The following NKAIN2 variants were observed in gnomAD, a reference collection of about 807,000 sequenced individuals.
The protein encoded by NKAIN2 is sodium/potassium transporting ATPase interacting 2.
NKAIN2 carries 14 observed loss-of-function variants against 32.6 expected under a neutral mutation model. That is an observed-to-expected ratio of 0.43 (90% confidence interval 0.28 to 0.67). The LOEUF (loss-of-function observed/expected upper bound fraction) is 0.67, where lower values mean the gene tolerates loss of function less well. Ranked by LOEUF, NKAIN2 falls within the 30% of genes least tolerant of loss-of-function variation. NKAIN2 has a pLI of 0.17. For synonymous variants in NKAIN2, 80 were observed against 87.2 expected (o/e 0.92, Z 0.46); for missense variants, 198 against 258.3 (o/e 0.77, Z 1.60).
At chr6:124,702,474 C>T (rs750500388) in intron 4 of NKAIN2, among the ~76,000 whole-genome samples, 9 of 152,042 alleles carry the variant, frequency 5.9e-5, no homozygotes, top group Non-Finnish European at 1.2e-4. Context: ...TTCTTGCCAA[C>T]ACGGTTTTCA....
chr6:124,325,485 AC>A (rs1342622117), intron 2 of NKAIN2, among the ~76,000 whole-genome samples: 1 of 152,140 alleles, frequency 6.6e-6, no homozygotes, highest in Non-Finnish European at 1.5e-5. Context: ...AACTAAAAAA[AC>A]AGGAAAAAAA....
chr6:123,873,047 C>G (rs538135878), intron 1 of NKAIN2, among the ~76,000 whole-genome samples: 11 of 152,172 alleles, frequency 7.2e-5, no homozygotes, highest in African/African-American at 2.6e-4. Flanking sequence ...TGGACAAGGT[C>G]TCTACTCTGA....
chr6:123,811,030 A>G (rs949908918), intron 1 of NKAIN2, among the ~76,000 whole-genome samples: 4 of 152,272 alleles, frequency 2.6e-5, no homozygotes, highest in African/African-American at 9.6e-5. Flanking sequence ...ACTGATGTTG[A>G]TGATCAGGCA....
chr6:124,052,285 G>A (rs899026969), intron 1 of NKAIN2, among the ~76,000 whole-genome samples: 1 of 152,020 alleles, frequency 6.6e-6, no homozygotes, highest in African/African-American at 2.4e-5. Context: ...TCTTATACCA[G>A]TGAGTGCTCA....
At chr6:124,476,902 A>G (rs1777239902) in intron 3 of NKAIN2, among the ~76,000 whole-genome samples, 1 of 150,992 alleles carries the variant, frequency 6.6e-6, no homozygotes, top group Non-Finnish European at 1.5e-5. Flanking sequence ...TCTGTTTACA[A>G]CAATTATTTC....
intron 2 of NKAIN2, among the ~76,000 whole-genome samples, chr6:124,306,309 T>C (rs1796502739): frequency 6.6e-6 from 1 of 152,140 alleles, no homozygotes; most frequent in Non-Finnish European, 1.5e-5. Context: ...GCAATAGCCT[T>C]TATAACTTCA....
chr6:124,651,063 G>A (rs938640853), intron 3 of NKAIN2, among the ~76,000 whole-genome samples: 8 of 152,136 alleles, frequency 5.3e-5, no homozygotes, highest in African/African-American at 1.9e-4. Flanking sequence ...TAAGAAAAGA[G>A]GGGTGACTTG....
In NKAIN2 at chr6:124,651,235, A is replaced by T. The variant is rs182076682; in HGVS notation, c.274-6951A>T. 4.8e-3 allele frequency among the ~76,000 whole-genome samples: 736 copies of T among 152,310 alleles called. 7 individuals are homozygous for T. The highest frequency in any genetic ancestry group is 0.037 in the Middle Eastern group (11 of 294). On this transcript the variant is annotated intron_variant, in intron 3 of 6. Transcript: ENST00000368417. ...CCACCTCTATTGCTTTGCTGGGCTCAGCCTGTATAGCAGCTCTCACAGGAT... is the reference window on the plus strand; with the variant it reads ...CCACCTCTATTGCTTTGCTGGGCTCTGCCTGTATAGCAGCTCTCACAGGAT...
intron 3 of NKAIN2, among the ~76,000 whole-genome samples, chr6:124,397,974 C>A (rs564621658): frequency 2.0e-5 from 3 of 152,056 alleles, no homozygotes; most frequent in Admixed American, 6.6e-5. Context: ...ATACCCGGGG[C>A]CGGGCGTGGT....
intron 1 of NKAIN2, among the ~76,000 whole-genome samples, chr6:123,936,619 G>A (rs1357474987): frequency 6.6e-6 from 1 of 152,062 alleles, no homozygotes; most frequent in African/African-American, 2.4e-5. Flanking sequence ...AATGTATTAA[G>A]TCTTTAAATG....
At chr6:124,469,308 G>A (rs918751639) in intron 3 of NKAIN2, among the ~76,000 whole-genome samples, 3 of 152,070 alleles carry the variant, frequency 2.0e-5, no homozygotes, top group South Asian at 2.1e-4. Context: ...TAGAGCAAAC[G>A]ATAAAATAAG....
intron 3 of NKAIN2, among the ~76,000 whole-genome samples, chr6:124,520,504 T>C (rs1230580847): frequency 6.6e-6 from 1 of 152,180 alleles, no homozygotes; most frequent in Non-Finnish European, 1.5e-5. Context: ...AAAACTGCAA[T>C]ATTATTATCA....
rs1039215957 is a variant in NKAIN2 at position 123,930,086 on chromosome 6, C to A, written c.54+125832C>A. ...AATGTTGGTGTTGTACAATGTACAA[C>A]AAAACCAATGTACAACTCTTCAAAA... is the stretch of plus-strand genomic sequence containing the variant. On this transcript the variant is annotated intron_variant, in intron 1 of 6. Coordinates refer to ENST00000368417, the MANE Select transcript of NKAIN2 (RefSeq NM_001040214.3). Among the ~76,000 whole-genome samples the A allele has an allele frequency of 6.6e-5, 10 of 152,144 alleles. No homozygotes were observed. In the East Asian group the frequency reaches 1.9e-3, roughly 29 times the overall value.
At chr6:124,246,482 C>T (rs543022551) in intron 1 of NKAIN2, among the ~76,000 whole-genome samples, 1 of 152,186 alleles carries the variant, frequency 6.6e-6, no homozygotes, top group East Asian at 1.9e-4. Flanking sequence ...CAGCCTACCT[C>T]CACAACTCAT....
intron 1 of NKAIN2, among the ~76,000 whole-genome samples, chr6:123,944,272 T>G (rs141914887): frequency 3.7e-4 from 56 of 152,160 alleles, no homozygotes; most frequent in Middle Eastern, 3.4e-3. Flanking sequence ...AGGATAAAAA[T>G]CACTTCTTCA....
chr6:124,656,782 G>A (rs1178178331), intron 3 of NKAIN2, among the ~76,000 whole-genome samples: 3 of 152,038 alleles, frequency 2.0e-5, no homozygotes, highest in African/African-American at 7.2e-5. Flanking sequence ...GCCCACATCT[G>A]CTACCAAGGA....
intron 3 of NKAIN2, among the ~76,000 whole-genome samples, chr6:124,489,110 G>A (rs78878775): frequency 0.081 from 12,287 of 151,834 alleles, 543 homozygotes; most frequent in East Asian, 0.15. Context: ...AAATATAATC[G>A]GAGCTTGATA....
At chr6:123,895,063 CT>C (rs143221411) in intron 1 of NKAIN2, among the ~76,000 whole-genome samples, 1,579 of 146,656 alleles carry the variant, frequency 0.011, 23 homozygotes, top group African/African-American at 0.035. Flanking sequence ...CCCTACACCC[CT>C]TTTTTTTTTG....
intron 3 of NKAIN2, among the ~76,000 whole-genome samples, chr6:124,408,571 C>A (rs1400323316): frequency 6.6e-6 from 1 of 152,166 alleles, no homozygotes; most frequent in Non-Finnish European, 1.5e-5. Flanking sequence ...TGTTTTGGTA[C>A]CAGTACCATG....
Sources: gnomAD v4.1 joint callset for allele counts (sites outside exome capture counted in the v4.1 genomes callset) on GRCh38, gnomAD v4.1.1 for gene constraint, MANE v1.5 for transcripts, NCBI Gene and HGNC (gene_info 2026-07-23, HGNC 2026-07-21) for gene names.